Variants in SEZ6L observed in about 807,000 individuals in gnomAD.
SEZ6L encodes seizure related 6 homolog like.
In SEZ6L, 37 loss-of-function variants were observed where a neutral mutation model predicts 106.2. That is an observed-to-expected ratio of 0.35 (90% CI 0.27 to 0.46). The LOEUF is 0.46. Among genes scored for constraint, SEZ6L ranks in the 20% least tolerant of loss-of-function variants. The pLI, the probability that SEZ6L is intolerant of heterozygous loss-of-function variation, is 1.00. For missense variants in SEZ6L, 1,172 were observed against 1,332.8 expected, an observed-to-expected ratio of 0.88 and a Z score of 1.88; for synonymous variants, 541 against 570.4, an observed-to-expected ratio of 0.95 and a Z score of 0.73.
intron 1 of SEZ6L, among the ~76,000 whole-genome samples, chr22:26,277,160 G>C (rs926508226): frequency 6.6e-6 from 1 of 151,220 alleles, no homozygotes; most frequent in African/African-American, 2.4e-5. Flanking sequence ...GTACAGTGGT[G>C]GGATCATGTC....
chr22:26,209,826 G>GA (rs1363475348), intron 1 of SEZ6L, among the ~76,000 whole-genome samples: 1 of 84,752 alleles, frequency 1.2e-5, no homozygotes, highest in Admixed American at 1.1e-4. Context: ...TGGAAGAAAG[G>GA]AAAAAAGTAG....
At chr22:26,185,941 C>T (rs1289570970) in intron 1 of SEZ6L, among the ~76,000 whole-genome samples, 1 of 152,008 alleles carries the variant, frequency 6.6e-6, no homozygotes, top group African/African-American at 2.4e-5. Flanking sequence ...CATATTCCCT[C>T]CCCAGAGGTA....
intron 1 of SEZ6L, among the ~76,000 whole-genome samples, chr22:26,223,327 G>C (rs915080295): frequency 2.6e-5 from 4 of 152,170 alleles, no homozygotes; most frequent in African/African-American, 9.7e-5. Context: ...CAGAATTAAT[G>C]ATATTTCAAG....
At chr22:26,183,055 A>T (rs1218418862) in intron 1 of SEZ6L, among the ~76,000 whole-genome samples, 1 of 152,122 alleles carries the variant, frequency 6.6e-6, no homozygotes, top group Non-Finnish European at 1.5e-5. Context: ...AAGGAAACAA[A>T]CTCCTATAAT....
At chr22:26,279,912 C>T (rs545297196) in intron 1 of SEZ6L, among the ~76,000 whole-genome samples, 2 of 152,230 alleles carry the variant, frequency 1.3e-5, no homozygotes, top group South Asian at 2.1e-4. Flanking sequence ...TCTCTGCCCT[C>T]CTCTGAAATT....
At chr22:26,262,659 A>C (rs996859034) in intron 1 of SEZ6L, among the ~76,000 whole-genome samples, 1 of 152,184 alleles carries the variant, frequency 6.6e-6, no homozygotes, top group Non-Finnish European at 1.5e-5. Flanking sequence ...AGAAAGCCAG[A>C]GAGGTGATAT....
chr22:26,290,349 G>A (rs559772186), intron 1 of SEZ6L, among the ~76,000 whole-genome samples: 1 of 152,240 alleles, frequency 6.6e-6, no homozygotes, highest in East Asian at 1.9e-4. Context: ...GGCTAACATG[G>A]TGAAACCCTG....
At chr22:26,354,735 G>A (rs964632636) in intron 12 of SEZ6L, among the ~76,000 whole-genome samples, 3 of 152,180 alleles carry the variant, frequency 2.0e-5, no homozygotes, top group African/African-American at 4.8e-5. Context: ...TCTGAGCTGC[G>A]GCAGCTGCTG....
chr22:26,176,774 A>G (rs1021396169), intron 1 of SEZ6L, among the ~76,000 whole-genome samples: 1 of 152,216 alleles, frequency 6.6e-6, no homozygotes, highest in Admixed American at 6.5e-5. Flanking sequence ...TTATTGCTCT[A>G]CTATTAACCT....
At chr22:26,181,415 A>G (rs1939382311) in intron 1 of SEZ6L, among the ~76,000 whole-genome samples, 1 of 152,216 alleles carries the variant, frequency 6.6e-6, no homozygotes, top group East Asian at 1.9e-4. Flanking sequence ...AATGTAAAAT[A>G]TGTGGAATCA....
At chr22:26,193,820 C>T (rs1006435116) in intron 1 of SEZ6L, among the ~76,000 whole-genome samples, 2 of 152,078 alleles carry the variant, frequency 1.3e-5, no homozygotes, top group African/African-American at 4.8e-5. Flanking sequence ...TTCATGGTGA[C>T]GTGTATGCAG....
At chr22:26,230,738 A>T (rs1403548534) in intron 1 of SEZ6L, among the ~76,000 whole-genome samples, 1 of 152,184 alleles carries the variant, frequency 6.6e-6, no homozygotes, top group Non-Finnish European at 1.5e-5. Context: ...GAGCCCCGGG[A>T]AGAACCAGGG....
At chr22:26,263,519 A>T (rs746621842) in intron 1 of SEZ6L, among the ~76,000 whole-genome samples, 12 of 152,232 alleles carry the variant, frequency 7.9e-5, no homozygotes, top group Admixed American at 1.3e-4. Context: ...CAAAATCCAC[A>T]TTCTTTCCAT....
intron 13 of SEZ6L, 145 bp downstream of exon 13, chr22:26,365,711 C>CAA (rs767584458): frequency 3.4e-4 from 172 of 499,860 alleles, no homozygotes; most frequent in Middle Eastern, 1.1e-3. Flanking sequence ...CCATCTCTAC[C>CAA]AAAAAAAAAA....
In SEZ6L at chr22:26,235,332, A is replaced by G. The variant is rs185889022; in HGVS notation, c.95-57074A>G. 6.6e-5 allele frequency among the ~76,000 whole-genome samples: 10 copies of G among 152,368 alleles called. No individual in the cohort carries two copies. In the East Asian group the frequency reaches 9.6e-4, roughly 15 times the overall value. ...TCACTCTTGGTTGAGAACCACTGTC[A>G]TAGAGTATCCATGTATTTATTCATC... On this transcript the variant is annotated intron_variant, in intron 1 of 16. Transcript: ENST00000248933.
At chr22:26,351,799 G>A (rs112383740) in intron 12 of SEZ6L, among the ~76,000 whole-genome samples, 18,366 of 151,982 alleles carry the variant, frequency 0.12, 1,340 homozygotes, top group Middle Eastern at 0.29. Flanking sequence ...CACCCGCCTC[G>A]GCCTCCCAAA....
Position 26,293,222 on chromosome 22 carries a change from A to T in SEZ6L, c.835+76A>T, listed in dbSNP as rs953622442. 2.1e-6 allele frequency: 3 copies of T among 1,441,282 alleles called. No individual in the cohort carries two copies. In the African/African-American group the frequency reaches 4.3e-5, roughly 21 times the overall value. 89.3% of individuals were successfully genotyped at this position (1,441,282 alleles called of 1,614,324 possible). ...CACTATGTTCAGGGCATGTGGGTAG[A>T]GGAATCTCAAGAAGCCCCGGCCCCA... On this transcript the variant is annotated intron_variant, in intron 2 of 16. Coordinates refer to ENST00000248933, the MANE Select transcript of SEZ6L (RefSeq NM_021115.5).
At chr22:26,172,900 T>C (rs1040196737) in intron 1 of SEZ6L, among the ~76,000 whole-genome samples, 2 of 152,138 alleles carry the variant, frequency 1.3e-5, no homozygotes, top group African/African-American at 4.8e-5. Flanking sequence ...TGAAGCCAAA[T>C]TGCAAAACAT....
chr22:26,262,203 A>G (rs1029640962), intron 1 of SEZ6L, among the ~76,000 whole-genome samples: 2 of 149,426 alleles, frequency 1.3e-5, no homozygotes, highest in African/African-American at 4.9e-5. Flanking sequence ...ATATTGATAT[A>G]TAAAAGATAT....
Sources: gnomAD v4.1 joint callset for allele counts (sites outside exome capture counted in the v4.1 genomes callset) on GRCh38, gnomAD v4.1.1 for gene constraint, MANE v1.5 for transcripts, NCBI Gene and HGNC (gene_info 2026-07-23, HGNC 2026-07-21) for gene names.